Variants in VSIG10L observed in about 807,000 individuals in gnomAD.
The protein encoded by VSIG10L is V-set and immunoglobulin domain-containing protein 10-like.
In VSIG10L, 63 loss-of-function variants were observed where a neutral mutation model predicts 67.3. The ratio of observed to expected loss-of-function variants is 0.94; its 90% CI spans 0.76 to 1.15. VSIG10L has a LOEUF of 1.15. Among genes scored for constraint, VSIG10L ranks in the 50% most tolerant of loss-of-function variants. The pLI is 0.00. For missense variants in VSIG10L, 1,050 were observed against 1,177.5 expected (o/e 0.89, Z 1.58); for synonymous variants, 499 against 524.9 (o/e 0.95, Z 0.67).
At chr19:51,332,697 A>T (rs1985387519) in intron 9 of VSIG10L, 57 bp from the exon 10 acceptor site, 3 of 1,471,130 alleles carry the variant, frequency 2.0e-6, no homozygotes, top group Middle Eastern at 1.7e-4. Context: ...GATGTGACAT[A>T]ACTCACCCGC....
chr19:51,333,469 C>T (rs1308734545), intron 9 of VSIG10L, among the ~76,000 whole-genome samples: 3 of 150,734 alleles, frequency 2.0e-5, no homozygotes, highest in South Asian at 4.2e-4. Flanking sequence ...GCGGAGGCTG[C>T]AGTGAGTCGA....
At position 51,337,357 on chromosome 19, in the gene VSIG10L, T is replaced by C. The variant is rs1219971935; in HGVS notation, c.2186A>G (p.Gln729Arg). The change falls in exon 7 of 10, where the codon CAG (glutamine) becomes CGG (arginine). Residue 729 changes from glutamine (Q) to arginine (R), a missense_variant. Around this residue, in one of 3 missense-constraint regions of VSIG10L, gnomAD observed 529 missense variants for 584.9 expected, o/e 0.90. Transcript: ENST00000335624. ...DWVSLLILGPQERSAVVPLPP... is the reference protein window; with the variant it reads ...DWVSLLILGPRERSAVVPLPP... ...AAGGGGCACCACGGCTGACCGCTCC[T>C]GAGGCCCCAGGATGAGCAGGGAGAC... The C allele has an allele frequency of 3.2e-6, 5 of 1,551,590 alleles. No homozygotes were observed. Among genetic ancestry groups the C allele is most frequent in the South Asian group, 1.2e-5 (1 of 84,042 alleles).
intron 8 of VSIG10L, 122 bp from the exon 9 acceptor site, chr19:51,334,067 G>A: frequency 6.8e-7 from 1 of 1,480,752 alleles, no homozygotes; most frequent in Non-Finnish European, 9.2e-7. Context: ...CTGATTTGGA[G>A]GTAGGAGGGC....
chr19:51,332,516 A>G lies in VSIG10L; in HGVS notation c.*95T>C. The G allele has an allele frequency of 7.0e-7, 1 of 1,431,184 alleles. No homozygotes were observed. The allele number at this position is 1,431,184 out of a possible 1,614,324, so 88.7% of individuals were successfully genotyped here. A position where few individuals can be genotyped will look rare whatever the true frequency, so the allele number is the denominator to read the frequency against. ...GCAGGCCCTGGCTGCTGCTGGAGTG[A>G]AATAGGAAGTTCTGGCCCAAAACGC... On this transcript the variant is annotated 3_prime_UTR_variant, in exon 10 of 10. Coordinates refer to ENST00000335624, the MANE Select transcript of VSIG10L (RefSeq NM_001163922.3).
At chr19:51,338,814 A>C in intron 5 of VSIG10L, 74 bp downstream of exon 5, 1 of 1,333,998 alleles carries the variant, frequency 7.5e-7, no homozygotes. Flanking sequence ...ATACCCCTTC[A>C]GAATTTTCGA....
At position 51,341,510 on chromosome 19, in the gene VSIG10L, T is replaced by C. The variant is rs1418649129; in HGVS notation, c.538A>G (p.Lys180Glu). 1 of 1,550,908 alleles carries C rather than the reference T, an allele frequency of 6.4e-7. No homozygotes were observed. Among genetic ancestry groups the C allele is most frequent in the Non-Finnish European group, 8.7e-7 (1 of 1,146,758 alleles). ...GCTGAGTGGGTCTCTGCAGAAAATT[T>C]GGATTCAGGGCTCTGGGCAGAGAGT... Reference protein sequence around the residue: ...LKLSAQSPESKFSAETHSAAS... With the variant: ...LKLSAQSPESEFSAETHSAAS... The change falls in exon 2 of 10, where the codon AAA becomes GAA. Residue 180 changes from lysine to glutamate, a missense_variant. Transcript: ENST00000335624.
chr19:51,340,398 C>T lies in VSIG10L; in HGVS notation c.1189+35G>A. ...TCCCCAGCCCGCTTCTCCCCAAGGA[C>T]CCCCTGTCCCCGACCCGAGGCATCC... is the stretch of plus-strand genomic sequence containing the variant. On this transcript the variant is annotated intron_variant, in intron 3 of 9. Transcript: ENST00000335624. The surrounding 1 kb of genome is among the most constrained non-coding windows in gnomAD (Gnocchi z 6.3). 1 of 1,464,494 alleles carries T rather than the reference C, an allele frequency of 6.8e-7. No homozygotes were observed. The highest frequency in any genetic ancestry group is 9.0e-7 in the Non-Finnish European group (1 of 1,106,908). The allele number at this position is 1,464,494 out of a possible 1,614,324, so 90.7% of individuals were successfully genotyped here.
chr19:51,337,064 C>A (rs1985500990), intron 7 of VSIG10L, among the ~76,000 whole-genome samples, 174 bp downstream of exon 7: 1 of 152,174 alleles, frequency 6.6e-6, no homozygotes, highest in African/African-American at 2.4e-5. Flanking sequence ...CCGCGCCCAG[C>A]CGACACCTTG....
At chr19:51,335,697 T>G (rs1428106994) in intron 7 of VSIG10L, among the ~76,000 whole-genome samples, 1 of 152,074 alleles carries the variant, frequency 6.6e-6, no homozygotes, top group Non-Finnish European at 1.5e-5. Flanking sequence ...TCACTTGAGG[T>G]CAGGAGCTCA....
chr19:51,334,403 G>A (rs1434065490), intron 7 of VSIG10L, 99 bp from the exon 8 acceptor site: 27 of 977,516 alleles, frequency 2.8e-5, no homozygotes, highest in East Asian at 2.1e-4. Context: ...CCAGGAGTCC[G>A]GCCCCCACTG....
chr19:51,341,120 C>A, intron 2 of VSIG10L, 33 bp downstream of exon 2: 1 of 1,475,234 alleles, frequency 6.8e-7, no homozygotes, highest in Non-Finnish European at 9.0e-7. Context: ...GCAGCCCCTG[C>A]CGCCTGCACG....
At position 51,337,405 on chromosome 19, in the gene VSIG10L, C is replaced by A. The variant is rs926845676; in HGVS notation, c.2138G>T (p.Arg713Met). 3.2e-6 allele frequency: 5 copies of A among 1,551,616 alleles called. No homozygotes were observed. The African/African-American group carries it at 5.5e-5, about 17-fold the overall frequency. Reference protein sequence around the residue: ...QAWPDGPALGRTSTYRDWVSL... With the variant: ...QAWPDGPALGMTSTYRDWVSL... ...GACCCAGTCCCTGTAGGTGGAAGTC[C>A]TGCCCAGAGCAGGCCCATCTGGCCA... The change falls in exon 7 of 10, where the codon AGG (arginine) becomes ATG (methionine). Residue 713 changes from arginine to methionine, a missense_variant. Coordinates refer to ENST00000335624, the MANE Select transcript of VSIG10L (RefSeq NM_001163922.3).
At chr19:51,335,381 C>T (rs1413906558) in intron 7 of VSIG10L, among the ~76,000 whole-genome samples, 1 of 152,138 alleles carries the variant, frequency 6.6e-6, no homozygotes. Flanking sequence ...AAATAAACTG[C>T]TGTTGCAGTC....
At position 51,341,750 on chromosome 19, in the gene VSIG10L, C is replaced by T; in HGVS notation, c.298G>A (p.Glu100Lys). ...GAAACCGGGCTCAAATCTTGGCCCT[C>T]AGCAGAAACATTTGACCAGAAGGAC... ...SGSFWSNVSA[E>K]GQDLSPVSPF... is the part of the protein sequence containing the mutation. The change falls in exon 2 of 10, where the codon GAG becomes AAG. Residue 100 changes from glutamate to lysine, a missense_variant. Physicochemically the swap from Glu to Lys is moderately conservative, Grantham distance 56 (BLOSUM62 1). This residue lies in a region of VSIG10L where 511 missense variants were observed against 557.9 expected (regional missense o/e 0.92). Transcript: ENST00000335624. 1 of 1,551,628 alleles carries T rather than the reference C, an allele frequency of 6.4e-7. No homozygotes were observed. Among genetic ancestry groups the T allele is most frequent in the Non-Finnish European group, 8.7e-7 (1 of 1,146,982 alleles).
At chr19:51,338,838 A>T in intron 5 of VSIG10L, 50 bp downstream of exon 5, 1 of 1,338,234 alleles carries the variant, frequency 7.5e-7, no homozygotes. Flanking sequence ...ACCAAAGAAA[A>T]AGTCTCCCTC....
At chr19:51,336,061 G>A (rs1051140592) in intron 7 of VSIG10L, among the ~76,000 whole-genome samples, 18 of 152,228 alleles carry the variant, frequency 1.2e-4, no homozygotes, top group Admixed American at 1.1e-3. Flanking sequence ...TTTGGGGAGT[G>A]AGGACTAAAT....
intron 4 of VSIG10L, 110 bp downstream of exon 4, chr19:51,339,905 A>G (rs1231216932): frequency 1.1e-5 from 7 of 661,754 alleles, no homozygotes; most frequent in Non-Finnish European, 1.3e-5. Flanking sequence ...TGCCCCACCC[A>G]CCGGTATGCT....
intron 7 of VSIG10L, among the ~76,000 whole-genome samples, chr19:51,335,153 C>G (rs947090855): frequency 6.6e-6 from 1 of 152,166 alleles, no homozygotes; most frequent in Non-Finnish European, 1.5e-5. Flanking sequence ...AAAGCTTTCT[C>G]TGTTCAACGA....
At position 51,338,944 on chromosome 19, in the gene VSIG10L, G is replaced by A; in HGVS notation, c.1673C>T (p.Pro558Leu). 2.1e-6 allele frequency: 3 copies of A among 1,437,264 alleles called. No individual in the cohort carries two copies. Among genetic ancestry groups the A allele is most frequent in the Non-Finnish European group, 2.8e-6 (3 of 1,088,720 alleles). 89.0% of individuals were successfully genotyped at this position (1,437,264 alleles called of 1,614,324 possible). A position where few individuals can be genotyped will look rare whatever the true frequency, so the allele number is the denominator to read the frequency against. The change falls in exon 5 of 10, where the codon CCC becomes CTC. Residue 558 changes from proline (P) to leucine (L), a missense_variant. Physicochemically the swap from Pro to Leu is moderately conservative, Grantham distance 98. Transcript: ENST00000335624. Reference protein sequence around the residue: ...VPAHPRLSGVPITCLARHLVA... With the variant: ...VPAHPRLSGVLITCLARHLVA... ...CAGGTGGCGAGCAAGGCAGGTGATG[G>A]GGACGCCGCTGAGCCGGGGGTGGGC...
Sources: gnomAD v4.1 joint callset for allele counts (sites outside exome capture counted in the v4.1 genomes callset) on GRCh38, gnomAD v4.1.1 for gene constraint, gnomAD v4.1.1 regional missense constraint, Gnocchi (gnomAD v3.1) non-coding constraint, MANE v1.5 for transcripts, NCBI Gene and HGNC (gene_info 2026-07-23, HGNC 2026-07-21) for gene names.